Variants in KIF13A observed in about 807,000 individuals in gnomAD.
KIF13A encodes the protein kinesin family member 13A.
In KIF13A, 79 loss-of-function variants were observed where a neutral mutation model predicts 212.2. That is an observed-to-expected ratio of 0.37 (90% CI 0.31 to 0.45). The LOEUF is 0.45. Among genes scored for constraint, KIF13A ranks in the 20% least tolerant of loss-of-function variants. The pLI is 1.00. For synonymous variants in KIF13A, 789 were observed against 808.6 expected (o/e 0.98, Z 0.41); for missense variants, 1,901 against 2,209.0 (o/e 0.86, Z 2.79).
rs746457444 is a variant in KIF13A at position 17,764,261 on chromosome 6, C to G, written c.5267G>C (p.Gly1756Ala). 8.1e-6 allele frequency: 13 copies of G among 1,614,012 alleles called. No homozygotes were observed. The highest frequency in any genetic ancestry group is 1.1e-5 in the Non-Finnish European group (13 of 1,179,884). ...DFDGLTDSSA[G>A]ELSSRRSLPN... ...TAGACTCCTCCTACTGGAAAGCTCT[C>G]CAGCAGAAGAATCTGTCAAACCATC... The change falls in exon 39 of 39, where the codon GGA becomes GCA. Residue 1756 changes from glycine (G) to alanine (A), a missense_variant. This residue lies in a region of KIF13A where 687 missense variants were observed against 759.1 expected (regional missense o/e 0.90). Transcript: ENST00000259711. The surrounding 1 kb of genome is among the most constrained non-coding windows in gnomAD (Gnocchi z 5.1).
chr6:17,846,885 A>C (rs998335972), intron 9 of KIF13A, among the ~76,000 whole-genome samples: 4 of 152,200 alleles, frequency 2.6e-5, no homozygotes, highest in African/African-American at 9.6e-5. Flanking sequence ...ACAGTGGCTG[A>C]GCCTGGGCTC....
intron 20 of KIF13A, among the ~76,000 whole-genome samples, chr6:17,802,609 T>C (rs1236137208): frequency 6.6e-6 from 1 of 152,048 alleles, no homozygotes; most frequent in Non-Finnish European, 1.5e-5. Context: ...TTTTTCTTTT[T>C]AATGCTTTTC....
chr6:17,933,636 T>G (rs888424250), intron 2 of KIF13A, among the ~76,000 whole-genome samples: 1 of 152,200 alleles, frequency 6.6e-6, no homozygotes, highest in Non-Finnish European at 1.5e-5. Context: ...ATTTAGATTT[T>G]TTTTTAAGTT....
rs2150287385 is a variant in KIF13A, at chr6:17,768,075, AG to A, written c.4581+3038del. 6.6e-6 allele frequency among the ~76,000 whole-genome samples: 1 copy of A among 152,344 alleles called. No individual in the cohort carries two copies. The highest frequency in any genetic ancestry group is 2.1e-4 in the South Asian group (1 of 4,826). On this transcript the variant is annotated intron_variant, in intron 38 of 38. Coordinates refer to ENST00000259711, the MANE Select transcript of KIF13A (RefSeq NM_022113.6). The surrounding 1 kb of genome is among the most constrained non-coding windows in gnomAD (Gnocchi z 5.4). ...GATTAAACATTTTCCAATACTTAAA[AG>A]GAGATTGAATGTTTATTGAGTTATT...
intron 2 of KIF13A, among the ~76,000 whole-genome samples, chr6:17,975,445 C>G (rs879593240): frequency 6.6e-6 from 1 of 151,978 alleles, no homozygotes; most frequent in Non-Finnish European, 1.5e-5. Context: ...CGCTAGCTTA[C>G]AAAAGTGAAG....
At chr6:17,969,055 T>A (rs942519475) in intron 2 of KIF13A, among the ~76,000 whole-genome samples, 1 of 152,220 alleles carries the variant, frequency 6.6e-6, no homozygotes, top group African/African-American at 2.4e-5. Flanking sequence ...TCTGGGTGTA[T>A]AGCTCTGGCA....
intron 14 of KIF13A, among the ~76,000 whole-genome samples, chr6:17,827,011 G>A (rs898618323): frequency 2.6e-5 from 4 of 151,496 alleles, no homozygotes; most frequent in Non-Finnish European, 4.4e-5. Context: ...GCAGTGAGCC[G>A]AGATCTTGCC....
At chr6:17,931,022 A>T (rs1312334950) in intron 2 of KIF13A, among the ~76,000 whole-genome samples, 3 of 152,232 alleles carry the variant, frequency 2.0e-5, no homozygotes, top group Non-Finnish European at 4.4e-5. Context: ...ACATATATGC[A>T]TAATATCCTT....
At chr6:17,792,135 A>G (rs1351663662) in intron 25 of KIF13A, among the ~76,000 whole-genome samples, 1 of 142,548 alleles carries the variant, frequency 7.0e-6, no homozygotes, top group Non-Finnish European at 1.5e-5. Flanking sequence ...CCCAGGAGGC[A>G]GAGGTTACAG....
Position 17,839,157 on chromosome 6 carries a change from T to C in KIF13A, c.831-1574A>G, listed in dbSNP as rs181776652. 3.9e-5 allele frequency among the ~76,000 whole-genome samples: 6 copies of C among 152,310 alleles called. No homozygotes were observed. In the East Asian group the frequency reaches 9.6e-4, roughly 24 times the overall value. ...TAATACTTAATGAGTACAATGTATG[T>C]TATTCAGGTGACGGATACCTTAAAA... is the stretch of plus-strand genomic sequence containing the variant. On this transcript the variant is annotated intron_variant, in intron 9 of 38. Coordinates refer to ENST00000259711, the MANE Select transcript of KIF13A (RefSeq NM_022113.6). This position sits in a 1 kb window ranked among gnomAD's most constrained non-coding sequence, Gnocchi z 4.3.
rs976556363 is a variant in KIF13A at position 17,872,443 on chromosome 6, A to C, written c.220+934T>G. ...CTCTATTGTACAACACGGTGACTAT[A>C]GTTAATAACAACGTACTGTATTCCT... is the stretch of plus-strand genomic sequence containing the variant. On this transcript the variant is annotated intron_variant, in intron 4 of 38. Coordinates refer to ENST00000259711, the MANE Select transcript of KIF13A (RefSeq NM_022113.6). This position sits in a 1 kb window ranked among gnomAD's most constrained non-coding sequence, Gnocchi z 4.7. 6.6e-6 allele frequency among the ~76,000 whole-genome samples: 1 copy of C among 152,206 alleles called. No individual in the cohort carries two copies. Among genetic ancestry groups the C allele is most frequent in the African/African-American group, 2.4e-5 (1 of 41,462 alleles).
chr6:17,780,771 C>T lies in KIF13A; in HGVS notation c.3805G>A (p.Val1269Ile), dbSNP rs555103615. Residue 1269 changes from valine (V) to isoleucine (I), a missense_variant, in exon 31 of 39, where the codon GTA (valine) becomes ATA (isoleucine). This residue lies in a region of KIF13A where 687 missense variants were observed against 759.1 expected (regional missense o/e 0.90). Transcript: ENST00000259711. ...TTGGCTGCAATTCGTTTTCGTAATA[C>T]TAACTCCATAGCAGCAGGGTGGCTG... ...QLSHPAAMEL[V>I]LRKRIAANIY... 5.0e-6 allele frequency: 8 copies of T among 1,614,056 alleles called. No homozygotes were observed. Among genetic ancestry groups the T allele is most frequent in the Middle Eastern group, 1.6e-4 (1 of 6,062 alleles).
rs555529950 is a variant in KIF13A at position 17,952,782 on chromosome 6, T to C, written c.146+34272A>G. ...TGTCTCTACTAAAAATACAAAAAAT[T>C]AGCCAGGTGTGGTGGTGGGCGCCTG... On this transcript the variant is annotated intron_variant, in intron 2 of 38. Transcript: ENST00000259711. Among the ~76,000 whole-genome samples, 105 of 151,584 alleles carry C rather than the reference T, an allele frequency of 6.9e-4. 1 individual carries two copies. Among genetic ancestry groups the C allele is most frequent in the Admixed American group, 4.8e-3 (73 of 15,234 alleles).
chr6:17,807,147 G>A (rs767714731), intron 18 of KIF13A, among the ~76,000 whole-genome samples: 16 of 152,094 alleles, frequency 1.1e-4, no homozygotes, highest in Non-Finnish European at 2.1e-4. Flanking sequence ...TATGAAATCA[G>A]TGCACCTTGA....
intron 31 of KIF13A, among the ~76,000 whole-genome samples, chr6:17,779,886 G>A (rs1295726025): frequency 1.3e-5 from 2 of 151,476 alleles, no homozygotes; most frequent in African/African-American, 4.9e-5. Flanking sequence ...GACTACAGGC[G>A]CCTGCCACCT....
chr6:17,782,291 T>C (rs1303376891), intron 29 of KIF13A, among the ~76,000 whole-genome samples: 1 of 152,158 alleles, frequency 6.6e-6, no homozygotes, highest in African/African-American at 2.4e-5. Flanking sequence ...GAGTCTCCTA[T>C]AAGATGGAAT....
At chr6:17,933,471 T>A (rs1200053325) in intron 2 of KIF13A, among the ~76,000 whole-genome samples, 2 of 145,420 alleles carry the variant, frequency 1.4e-5, no homozygotes, top group East Asian at 4.1e-4. Flanking sequence ...CTCAAACTCC[T>A]GGACTCAAGT....
Position 17,768,348 on chromosome 6 carries a change from A to G in KIF13A, c.4581+2766T>C, listed in dbSNP as rs1045488144. The stretch of plus-strand genomic sequence containing the variant: ...TTTGCAAATTTAACTTATGCAGCTG[A>G]TATTTACCTATACAGAAAACACCTT... On this transcript the variant is annotated intron_variant, in intron 38 of 38. Coordinates refer to ENST00000259711, the MANE Select transcript of KIF13A (RefSeq NM_022113.6). This position sits in a 1 kb window ranked among gnomAD's most constrained non-coding sequence, Gnocchi z 5.4. Among the ~76,000 whole-genome samples the G allele has an allele frequency of 5.9e-5, 9 of 152,246 alleles. No individual in the cohort carries two copies. The highest frequency in any genetic ancestry group is 1.9e-4 in the African/African-American group (8 of 41,456).
At chr6:17,840,958 TC>T (rs1766442868) in intron 9 of KIF13A, among the ~76,000 whole-genome samples, 1 of 152,122 alleles carries the variant, frequency 6.6e-6, no homozygotes. Flanking sequence ...TGTTAACAAC[TC>T]TTAAAGGTGG....
Sources: allele counts gnomAD v4.1 joint callset (sites outside exome capture counted in the v4.1 genomes callset), GRCh38; gene constraint gnomAD v4.1.1; regional missense constraint gnomAD v4.1.1; non-coding constraint Gnocchi (gnomAD v3.1); transcripts MANE v1.5; gene names NCBI Gene and HGNC (gene_info 2026-07-23, HGNC 2026-07-21).